The following PACS1 variants were observed in gnomAD, a reference collection of about 807,000 sequenced individuals.
The protein encoded by PACS1 is phosphofurin acidic cluster sorting protein 1.
In PACS1, 24 loss-of-function variants were observed where a neutral mutation model predicts 115.0. The observed-to-expected ratio is 0.21, with a 90% CI of 0.15 to 0.29. PACS1 has a LOEUF of 0.29. Ranked by LOEUF, PACS1 falls within the 10% of genes least tolerant of loss-of-function variation. The pLI is 1.00. For synonymous variants in PACS1, 453 were observed against 504.5 expected (o/e 0.90, Z 1.37); for missense variants, 838 against 1,251.2 (o/e 0.67, Z 4.98).
intron 1 of PACS1, among the ~76,000 whole-genome samples, chr11:66,084,827 T>C (rs2134504537): frequency 6.6e-6 from 1 of 152,370 alleles, no homozygotes; most frequent in East Asian, 1.9e-4. Context: ...GAGTTTTTTT[T>C]GTTTCCACTT....
In PACS1 at chr11:66,191,565, G is replaced by GC. The variant is rs1201603069; in HGVS notation, c.357-1915dup. The stretch of plus-strand genomic sequence containing the variant: ...TTCTGTTGCATGCGTAGAACAGTGA[G>GC]CCCCCCAACACACATCCACACAGTC... On this transcript the variant is annotated intron_variant, in intron 1 of 23. Transcript: ENST00000320580. 3.3e-5 allele frequency among the ~76,000 whole-genome samples: 5 copies of GC among 152,268 alleles called. No homozygotes were observed. The East Asian group carries it at 9.6e-4, about 29-fold the overall frequency.
intron 1 of PACS1, among the ~76,000 whole-genome samples, chr11:66,078,624 A>G (rs1857432360): frequency 6.6e-6 from 1 of 152,084 alleles, no homozygotes; most frequent in South Asian, 2.1e-4. Context: ...AACACAGCTC[A>G]CTCTGTTCAG....
At chr11:66,154,440 AAAAAAT>A (rs954441316) in intron 1 of PACS1, among the ~76,000 whole-genome samples, 5 of 152,186 alleles carry the variant, frequency 3.3e-5, no homozygotes, top group African/African-American at 1.2e-4. Flanking sequence ...CCCTGTCTCT[AAAAAAT>A]AAAAATAGAG....
intron 7 of PACS1, chr11:66,219,410 C>CG (rs1332754238): frequency 2.3e-6 from 1 of 429,260 alleles, no homozygotes; most frequent in African/African-American, 2.0e-5. Flanking sequence ...GCTGTGCATG[C>CG]GCAGGTAGGA....
At chr11:66,127,858 G>GT (rs1355422021) in intron 1 of PACS1, among the ~76,000 whole-genome samples, 1 of 152,216 alleles carries the variant, frequency 6.6e-6, no homozygotes, top group African/African-American at 2.4e-5. Context: ...GACATTGTAT[G>GT]TATGTCCTGG....
intron 1 of PACS1, among the ~76,000 whole-genome samples, chr11:66,115,145 G>A (rs1176354804): frequency 6.7e-6 from 1 of 150,308 alleles, no homozygotes; most frequent in African/African-American, 2.5e-5. Context: ...GGAGGTCAAG[G>A]CTGCAGTGAG....
rs1857774426 is a variant in PACS1 at position 66,096,142 on chromosome 11, A to C, written c.356+25300A>C. Among the ~76,000 whole-genome samples, 2 of 151,098 alleles carry C rather than the reference A, an allele frequency of 1.3e-5. 1 individual carries two copies. The highest frequency in any genetic ancestry group is 1.3e-4 in the Admixed American group (2 of 15,166). ...AGAGACGGGGTTTTGCCAATTGCCC[A>C]GGCTGGTCTTGAACTCCTGCCCTCA... is the stretch of plus-strand genomic sequence containing the variant. On this transcript the variant is annotated intron_variant, in intron 1 of 23. Coordinates refer to ENST00000320580, the MANE Select transcript of PACS1 (RefSeq NM_018026.4).
intron 1 of PACS1, among the ~76,000 whole-genome samples, chr11:66,107,790 A>C (rs964050200): frequency 3.9e-5 from 6 of 152,238 alleles, no homozygotes; most frequent in African/African-American, 1.4e-4. Flanking sequence ...TAAGAACAAT[A>C]GAGAAACCAG....
chr11:66,188,740 G>T (rs527488264), intron 1 of PACS1, among the ~76,000 whole-genome samples: 2 of 152,226 alleles, frequency 1.3e-5, no homozygotes, highest in South Asian at 4.2e-4. Context: ...TCGTTACAAT[G>T]TCTTGCCAGA....
At chr11:66,203,709 A>T (rs1456372801) in intron 2 of PACS1, among the ~76,000 whole-genome samples, 1 of 152,226 alleles carries the variant, frequency 6.6e-6, no homozygotes, top group Non-Finnish European at 1.5e-5. Flanking sequence ...ATACATCTAC[A>T]GTGAACTAAT....
chr11:66,158,265 G>A (rs368819022), intron 1 of PACS1, among the ~76,000 whole-genome samples: 42 of 152,292 alleles, frequency 2.8e-4, no homozygotes, highest in East Asian at 1.9e-3. Context: ...CACTGTGCCC[G>A]GCCTGCACTT....
intron 1 of PACS1, among the ~76,000 whole-genome samples, chr11:66,161,840 A>G (rs1335094376): frequency 2.6e-5 from 4 of 152,168 alleles, no homozygotes; most frequent in African/African-American, 7.2e-5. Flanking sequence ...GAGATTCCCT[A>G]TTGACTTCCT....
chr11:66,169,411 T>A (rs1005274129), intron 1 of PACS1, among the ~76,000 whole-genome samples: 1 of 149,906 alleles, frequency 6.7e-6, no homozygotes, highest in Non-Finnish European at 1.5e-5. Flanking sequence ...ATTACTTTTT[T>A]TTTTTGGAGA....
chr11:66,237,910 G>A (rs146529074), intron 19 of PACS1, among the ~76,000 whole-genome samples: 161 of 152,244 alleles, frequency 1.1e-3, no homozygotes, highest in African/African-American at 3.5e-3. Flanking sequence ...TTGCTGTCGC[G>A]GCAGCCTCCA....
At chr11:66,174,858 AG>A (rs1335621156) in intron 1 of PACS1, among the ~76,000 whole-genome samples, 1 of 151,876 alleles carries the variant, frequency 6.6e-6, no homozygotes, top group African/African-American at 2.4e-5. Flanking sequence ...CGTTTAAAAT[AG>A]GTGAATTTTG....
Position 66,070,694 on chromosome 11 carries a change from T to A in PACS1, c.208T>A (p.Ser70Thr), listed in dbSNP as rs1271321125. ...TSAAAASSSS[S>T]STSTSMAVAV... ...GGCGGCGGCTGCCTCCTCCTCGTCC[T>A]CGTCTACCTCCACCTCCATGGCCGT... The change falls in exon 1 of 24, where the codon TCG (serine) becomes ACG (threonine). Residue 70 changes from serine to threonine, a missense_variant. Coordinates refer to ENST00000320580, the MANE Select transcript of PACS1 (RefSeq NM_018026.4). This position sits in a 1 kb window ranked among gnomAD's most constrained non-coding sequence, Gnocchi z 5.9. The A allele has an allele frequency of 1.3e-6, 2 of 1,580,206 alleles. No homozygotes were observed. Among genetic ancestry groups the A allele is most frequent in the Non-Finnish European group, 1.7e-6 (2 of 1,170,798 alleles).
chr11:66,070,756 G>A lies in PACS1; in HGVS notation c.270G>A (p.Pro90=). Residue 90 remains proline, a synonymous_variant, in exon 1 of 24, where the codon CCG becomes CCA. Transcript: ENST00000320580. This position sits in a 1 kb window ranked among gnomAD's most constrained non-coding sequence, Gnocchi z 5.9. ...VASGSAPPGG[P]GPGRTPAPVQ... is the part of the protein sequence containing the mutation. ...CGGGCTCCGCGCCTCCCGGTGGCCC[G>A]GGGCCAGGCCGCACCCCCGCCCCGG... 1 of 1,550,614 alleles carries A rather than the reference G, an allele frequency of 6.4e-7. No homozygotes were observed. Among genetic ancestry groups the A allele is most frequent in the Non-Finnish European group, 8.6e-7 (1 of 1,156,206 alleles).
intron 1 of PACS1, among the ~76,000 whole-genome samples, chr11:66,076,022 C>T (rs2134494426): frequency 6.6e-6 from 1 of 152,276 alleles, no homozygotes; most frequent in East Asian, 1.9e-4. Context: ...CAGACGTGAG[C>T]CACCGCGCTC....
chr11:66,214,620 CTTT>C (rs578031707), intron 4 of PACS1, among the ~76,000 whole-genome samples: 1 of 115,344 alleles, frequency 8.7e-6, no homozygotes, highest in Non-Finnish European at 1.7e-5. Context: ...TTTTTCTTTT[CTTT>C]TTTTTTTTTT....
Sources: gnomAD v4.1 joint callset for allele counts (sites outside exome capture counted in the v4.1 genomes callset) on GRCh38, gnomAD v4.1.1 for gene constraint, Gnocchi (gnomAD v3.1) non-coding constraint, MANE v1.5 for transcripts, NCBI Gene and HGNC (gene_info 2026-07-23, HGNC 2026-07-21) for gene names.